The following CCDC146 variants were observed in gnomAD, a reference collection of about 807,000 sequenced individuals.
CCDC146 encodes coiled-coil domain-containing protein 146.
CCDC146 carries 92 observed loss-of-function variants against 119.3 expected under a neutral mutation model. The observed-to-expected ratio is 0.77, with a 90% CI of 0.65 to 0.92. The LOEUF is 0.92. Among genes scored for constraint, CCDC146 ranks in the 40% least tolerant of loss-of-function variants. The probability of loss-of-function intolerance (pLI) is 0.00; values close to 1 mark genes in which losing one functional copy is unlikely to be tolerated. For missense variants in CCDC146, 1,000 were observed against 1,103.0 expected, an observed-to-expected ratio of 0.91 and a Z score of 1.32; for synonymous variants, 372 against 371.8, an observed-to-expected ratio of 1.00 and a Z score of -0.01.
rs1202106249 is a variant in CCDC146, at chr7:77,241,671, C to G, written c.240-20C>G. 1.9e-6 allele frequency: 3 copies of G among 1,611,390 alleles called. No individual in the cohort carries two copies. The highest frequency in any genetic ancestry group is 1.7e-6 in the Non-Finnish European group (2 of 1,177,886). On this transcript the variant is annotated intron_variant, in intron 3 of 18. Transcript: ENST00000285871. ...TGTACATGTCTCATTATGTGAGTCT[C>G]TGTTTTTCATGTAACCCAGCACACA...
At chr7:77,158,282 G>A (rs775575816) in intron 1 of CCDC146, among the ~76,000 whole-genome samples, 1 of 152,098 alleles carries the variant, frequency 6.6e-6, no homozygotes, top group East Asian at 1.9e-4. Flanking sequence ...ATTGATTTAG[G>A]CATTCTGGAG....
chr7:77,169,463 T>C (rs1791384895), intron 2 of CCDC146, among the ~76,000 whole-genome samples: 1 of 152,300 alleles, frequency 6.6e-6, no homozygotes, highest in Non-Finnish European at 1.5e-5. Flanking sequence ...GTTTGGGATT[T>C]ATTGGTGATA....
rs190227747 is a variant in CCDC146, at chr7:77,220,669, C to T, written c.157-16278C>T. Reference sequence around the variant, plus strand: ...ATTTAGTTATTTTTAAACTTCTATTCTTTTGCTCACCAAAAAGTGTTTGTT... The same window carrying T: ...ATTTAGTTATTTTTAAACTTCTATTTTTTTGCTCACCAAAAAGTGTTTGTT... On this transcript the variant is annotated intron_variant, in intron 2 of 18. Coordinates refer to ENST00000285871, the MANE Select transcript of CCDC146 (RefSeq NM_020879.3). 3.0e-4 allele frequency among the ~76,000 whole-genome samples: 45 copies of T among 152,106 alleles called. 1 individual carries two copies. The highest frequency in any genetic ancestry group is 6.3e-4 in the Non-Finnish European group (43 of 68,014).
intron 2 of CCDC146, among the ~76,000 whole-genome samples, chr7:77,182,497 C>T (rs540126838): frequency 3.0e-4 from 45 of 152,200 alleles, no homozygotes; most frequent in African/African-American, 1.0e-3. Context: ...TGAGGCCAGG[C>T]GTGGTGGCTC....
chr7:77,244,880 T>C (rs1336244165), intron 4 of CCDC146, among the ~76,000 whole-genome samples: 3 of 152,170 alleles, frequency 2.0e-5, no homozygotes, highest in Non-Finnish European at 2.9e-5. Context: ...AAACTATTCA[T>C]CCACATATAC....
Position 77,124,794 on chromosome 7 carries a change from T to C in CCDC146, c.-12+2062T>C, listed in dbSNP as rs531490319. ...AGCAATAAGAATGAAAAGCTTTTTC[T>C]ATGACTCAGAAATTGTGCTTTTGGG... On this transcript the variant is annotated intron_variant, in intron 1 of 18. Transcript: ENST00000285871. Among the ~76,000 whole-genome samples, 294 of 152,354 alleles carry C rather than the reference T, an allele frequency of 1.9e-3. 2 individuals are homozygous for C. Among genetic ancestry groups the C allele is most frequent in the Non-Finnish European group, 2.7e-3 (187 of 68,028 alleles).
chr7:77,196,673 C>G lies in CCDC146; in HGVS notation c.156+28849C>G. Reference sequence around the variant, plus strand: ...ATCATACAAGGCATATAGTTCGACACCATTAAAGTCTTCAAGATCTATTCT... The same window carrying G: ...ATCATACAAGGCATATAGTTCGACAGCATTAAAGTCTTCAAGATCTATTCT... On this transcript the variant is annotated intron_variant, in intron 2 of 18. Transcript: ENST00000285871. The surrounding 1 kb of genome is among the most constrained non-coding windows in gnomAD (Gnocchi z 4.2). The G allele has an allele frequency of 1.2e-6, 2 of 1,614,150 alleles. No individual in the cohort carries two copies. Among genetic ancestry groups the G allele is most frequent in the Non-Finnish European group, 1.7e-6 (2 of 1,179,990 alleles).
At chr7:77,220,199 T>G (rs1196494722) in intron 2 of CCDC146, among the ~76,000 whole-genome samples, 4 of 152,156 alleles carry the variant, frequency 2.6e-5, no homozygotes, top group Non-Finnish European at 5.9e-5. Flanking sequence ...GGGAATGCAT[T>G]TATTTTCCCA....
At chr7:77,262,698 A>G (rs1793323526) in intron 9 of CCDC146, among the ~76,000 whole-genome samples, 1 of 152,216 alleles carries the variant, frequency 6.6e-6, no homozygotes, top group Non-Finnish European at 1.5e-5. Flanking sequence ...ACTAGATCAA[A>G]TTACATAGAC....
chr7:77,260,022 A>T lies in CCDC146; in HGVS notation c.772A>T (p.Lys258Ter). ...ITRKKVEMEK[K>*]KIVLEQEVKT... ...TATCCCCTACAGAGAAATGGAAAAG[A>T]AAAAAATTGTCTTGGAACAAGAAGT... Residue 258 changes from lysine to a stop codon, truncating the protein, a stop_gained, in exon 8 of 19, where the codon AAA becomes TAA. Transcript: ENST00000285871. LOFTEE classifies it high-confidence loss of function. 1 of 1,600,126 alleles carries T rather than the reference A, an allele frequency of 6.2e-7. No homozygotes were observed. Among genetic ancestry groups the T allele is most frequent in the Non-Finnish European group, 8.5e-7 (1 of 1,171,824 alleles).
chr7:77,281,718 G>A (rs1234639460), intron 14 of CCDC146, among the ~76,000 whole-genome samples: 1 of 152,200 alleles, frequency 6.6e-6, no homozygotes, highest in Non-Finnish European at 1.5e-5. Flanking sequence ...ATGTTTTGAG[G>A]AAGGGGAGTC....
At chr7:77,165,996 G>C (rs1253155137) in intron 1 of CCDC146, among the ~76,000 whole-genome samples, 1 of 152,122 alleles carries the variant, frequency 6.6e-6, no homozygotes, top group Non-Finnish European at 1.5e-5. Flanking sequence ...CTTGAATAAA[G>C]CTTATGAAGC....
intron 1 of CCDC146, among the ~76,000 whole-genome samples, chr7:77,135,666 A>G (rs1389993383): frequency 6.6e-6 from 1 of 152,226 alleles, no homozygotes; most frequent in Non-Finnish European, 1.5e-5. Context: ...AACTTACTAT[A>G]TATCAGTAAT....
intron 2 of CCDC146, among the ~76,000 whole-genome samples, chr7:77,190,356 G>A (rs1206686291): frequency 2.0e-5 from 3 of 152,192 alleles, no homozygotes; most frequent in Non-Finnish European, 4.4e-5. Context: ...GGCAACCTCA[G>A]TCTCTCTCTA....
Position 77,294,696 on chromosome 7 carries a change from A to T in CCDC146, c.2698A>T (p.Asn900Tyr), listed in dbSNP as rs1312558570. The T allele has an allele frequency of 6.2e-7, 1 of 1,614,058 alleles. No individual in the cohort carries two copies. The highest frequency in any genetic ancestry group is 1.1e-5 in the South Asian group (1 of 91,090). ...FLEADNRQLP[N>Y]GVYTTAEQRP... ...GGAAGCAGATAATCGCCAGCTGCCCAATGGTGTTTACACAACTGCAGAGCA... is the reference window on the plus strand; with the variant it reads ...GGAAGCAGATAATCGCCAGCTGCCCTATGGTGTTTACACAACTGCAGAGCA... Residue 900 changes from asparagine to tyrosine, a missense_variant, in exon 19 of 19, where the codon AAT becomes TAT. Asn to Tyr is a moderately radical substitution (Grantham distance 143). This residue lies in a region of CCDC146 where 985 missense variants were observed against 1,045.3 expected (regional missense o/e 0.94). Coordinates refer to ENST00000285871, the MANE Select transcript of CCDC146 (RefSeq NM_020879.3).
At chr7:77,214,165 G>A (rs1329047528) in intron 2 of CCDC146, among the ~76,000 whole-genome samples, 1 of 152,150 alleles carries the variant, frequency 6.6e-6, no homozygotes, top group African/African-American at 2.4e-5. Flanking sequence ...TCTGATTGGT[G>A]TGAGATGGTA....
chr7:77,247,156 A>C (rs1792966411), intron 4 of CCDC146, among the ~76,000 whole-genome samples: 1 of 152,230 alleles, frequency 6.6e-6, no homozygotes, highest in African/African-American at 2.4e-5. Context: ...TTAAAAATAG[A>C]AAAATACATT....
At chr7:77,199,710 C>G in intron 2 of CCDC146, 1 of 1,614,114 alleles carries the variant, frequency 6.2e-7, no homozygotes, top group Non-Finnish European at 8.5e-7. Context: ...CTTTAATTTC[C>G]TCTGTTTCAT....
intron 2 of CCDC146, chr7:77,194,341 T>A (rs1448420011): frequency 2.0e-5 from 3 of 152,070 alleles, no homozygotes; most frequent in African/African-American, 7.2e-5. Context: ...TAGTCTTTTT[T>A]AAAAAGTAAA....
Sources: gnomAD v4.1 joint callset for allele counts (sites outside exome capture counted in the v4.1 genomes callset) on GRCh38, gnomAD v4.1.1 for gene constraint, gnomAD v4.1.1 regional missense constraint, Gnocchi (gnomAD v3.1) non-coding constraint, MANE v1.5 for transcripts, NCBI Gene and HGNC (gene_info 2026-07-23, HGNC 2026-07-21) for gene names.